CA10: variants seen among roughly 807,000 people sequenced by gnomAD.
CA10 encodes the protein carbonic anhydrase 10 (inactive).
CA10 carries 14 observed loss-of-function variants against 44.2 expected under a neutral mutation model. The ratio of observed to expected loss-of-function variants is 0.32; its 90% CI spans 0.21 to 0.50. The LOEUF (loss-of-function observed/expected upper bound fraction) is 0.50. Among genes scored for constraint, CA10 ranks in the 20% least tolerant of loss-of-function variants. The probability of loss-of-function intolerance (pLI) is 0.99; values close to 1 mark genes in which losing one functional copy is unlikely to be tolerated. For missense variants in CA10, 350 were observed against 409.7 expected, an observed-to-expected ratio of 0.85 and a Z score of 1.26; for synonymous variants, 159 against 141.6, an observed-to-expected ratio of 1.12 and a Z score of -0.87.
At chr17:51,838,783 C>T (rs1381116747) in intron 3 of CA10, among the ~76,000 whole-genome samples, 2 of 152,168 alleles carry the variant, frequency 1.3e-5, no homozygotes, top group Admixed American at 1.3e-4. Context: ...CTCAAGGGAG[C>T]CTGCAGATTA....
chr17:52,016,610 T>C (rs1177064458), intron 2 of CA10, among the ~76,000 whole-genome samples: 1 of 152,050 alleles, frequency 6.6e-6, no homozygotes, highest in African/African-American at 2.4e-5. Flanking sequence ...ATGTGAGACC[T>C]GACTGTTTAA....
intron 2 of CA10, among the ~76,000 whole-genome samples, chr17:51,969,355 A>G (rs925726971): frequency 3.9e-5 from 6 of 152,046 alleles, no homozygotes; most frequent in Non-Finnish European, 8.8e-5. Flanking sequence ...TAGGTTAAAC[A>G]CTTGCCCAAG....
intron 3 of CA10, among the ~76,000 whole-genome samples, chr17:51,877,364 C>T (rs530036870): frequency 6.6e-6 from 1 of 152,342 alleles, no homozygotes; most frequent in East Asian, 1.9e-4. Flanking sequence ...GTGATAGACT[C>T]ATTGTGAGCA....
At chr17:51,926,641 C>T (rs1480597804) in intron 3 of CA10, among the ~76,000 whole-genome samples, 1 of 152,174 alleles carries the variant, frequency 6.6e-6, no homozygotes, top group Admixed American at 6.5e-5. Flanking sequence ...CTCCTTGGCT[C>T]ATGGCCCTGT....
chr17:51,837,736 G>C (rs1014765525), intron 3 of CA10, among the ~76,000 whole-genome samples: 1 of 152,064 alleles, frequency 6.6e-6, no homozygotes, highest in Non-Finnish European at 1.5e-5. Context: ...GATTATTATA[G>C]TTATTTGTCA....
At chr17:52,064,529 A>T (rs376946056) in intron 2 of CA10, among the ~76,000 whole-genome samples, 5 of 151,774 alleles carry the variant, frequency 3.3e-5, no homozygotes, top group South Asian at 4.2e-4. Context: ...ACTGTGAAGA[A>T]AGAAGAGCTT....
At chr17:51,960,952 T>A (rs1314449609) in intron 2 of CA10, among the ~76,000 whole-genome samples, 1 of 152,176 alleles carries the variant, frequency 6.6e-6, no homozygotes, top group African/African-American at 2.4e-5. Context: ...GATTACTGTA[T>A]AATTATTTTG....
chr17:52,126,696 G>A (rs192377183), intron 1 of CA10, among the ~76,000 whole-genome samples: 231 of 152,134 alleles, frequency 1.5e-3, no homozygotes, highest in African/African-American at 4.2e-3. Flanking sequence ...TATGTAGCTC[G>A]TTTTTATTTG....
At chr17:51,652,470 T>C (rs1385409806) in intron 5 of CA10, among the ~76,000 whole-genome samples, 1 of 152,218 alleles carries the variant, frequency 6.6e-6, no homozygotes. Context: ...CAAATGTCCC[T>C]TCCTCTCTTT....
intron 2 of CA10, among the ~76,000 whole-genome samples, chr17:52,061,297 T>C (rs1987378321): frequency 6.6e-6 from 1 of 152,046 alleles, no homozygotes; most frequent in East Asian, 1.9e-4. Context: ...GCTGGAGCCA[T>C]GCAAGGAAGG....
In CA10 at chr17:51,717,757, A is replaced by ATG. The variant is rs1567815436; in HGVS notation, c.465+29875_465+29876insCA. ...TATACGTATATATACATGTATATATACGTATATATGTATACATATATGCAT... is the reference window on the plus strand; with the variant it reads ...TATACGTATATATACATGTATATATATGCGTATATATGTATACATATATGCAT... On this transcript the variant is annotated intron_variant, in intron 4 of 8. Coordinates refer to ENST00000451037, the MANE Select transcript of CA10 (RefSeq NM_020178.5). 7.5e-4 allele frequency among the ~76,000 whole-genome samples: 14 copies of ATG among 18,674 alleles called. 1 individual carries two copies. The highest frequency in any genetic ancestry group is 2.3e-3 in the African/African-American group (14 of 6,088). 12.3% of individuals were successfully genotyped at this position (18,674 alleles called of 152,430 possible).
chr17:51,887,843 CAAAAAAAAAAAGAA>C (rs1465388953), intron 3 of CA10, among the ~76,000 whole-genome samples: 2 of 83,626 alleles, frequency 2.4e-5, no homozygotes, highest in African/African-American at 7.5e-5. Flanking sequence ...ACTAAAAATA[CAAAAAAAAAAAGAA>C]AAAAAAAAAA....
At chr17:51,661,254 A>C (rs761739915) in intron 4 of CA10, among the ~76,000 whole-genome samples, 1 of 152,220 alleles carries the variant, frequency 6.6e-6, no homozygotes, top group Non-Finnish European at 1.5e-5. Flanking sequence ...TAATGAATGA[A>C]GCAATGCAGG....
intron 6 of CA10, among the ~76,000 whole-genome samples, chr17:51,646,049 C>T (rs1219723588): frequency 6.6e-6 from 1 of 152,184 alleles, no homozygotes; most frequent in Non-Finnish European, 1.5e-5. Context: ...AGCTCACTTG[C>T]AGACCTGTAG....
intron 3 of CA10, among the ~76,000 whole-genome samples, chr17:51,838,497 C>T (rs1006831042): frequency 6.6e-6 from 1 of 152,216 alleles, no homozygotes; most frequent in African/African-American, 2.4e-5. Flanking sequence ...GTGGCTTGTG[C>T]ACTAACTCAA....
chr17:51,944,331 A>T (rs1983193812), intron 2 of CA10, among the ~76,000 whole-genome samples: 1 of 152,174 alleles, frequency 6.6e-6, no homozygotes, highest in Admixed American at 6.5e-5. Context: ...TTTAACCGGT[A>T]TGTGGCCTCC....
intron 5 of CA10, among the ~76,000 whole-genome samples, chr17:51,652,894 CTTTTT>C (rs536653672): frequency 2.6e-5 from 4 of 151,830 alleles, no homozygotes; most frequent in African/African-American, 7.3e-5. Flanking sequence ...CCACACATTG[CTTTTT>C]TTTAATTTTT....
intron 2 of CA10, among the ~76,000 whole-genome samples, chr17:52,023,976 T>C (rs1598172112): frequency 6.6e-6 from 1 of 152,080 alleles, no homozygotes; most frequent in East Asian, 1.9e-4. Flanking sequence ...CTTGTTGGGG[T>C]TTGTCAAGTT....
At chr17:51,840,759 G>A (rs1359217800) in intron 3 of CA10, among the ~76,000 whole-genome samples, 1 of 152,096 alleles carries the variant, frequency 6.6e-6, no homozygotes, top group African/African-American at 2.4e-5. Context: ...TGAGCGGAAG[G>A]CCAAGAAGTT....
Sources: gnomAD v4.1 joint callset for allele counts (sites outside exome capture counted in the v4.1 genomes callset) on GRCh38, gnomAD v4.1.1 for gene constraint, MANE v1.5 for transcripts, NCBI Gene and HGNC (gene_info 2026-07-23, HGNC 2026-07-21) for gene names.